Variants in MAGI2 observed in about 807,000 individuals in gnomAD.
The protein encoded by MAGI2 is membrane-associated guanylate kinase, WW and PDZ domain-containing protein 2.
In MAGI2, 35 loss-of-function variants were observed where a neutral mutation model predicts 133.3. That is an observed-to-expected ratio of 0.26 (90% CI 0.20 to 0.35). The LOEUF (loss-of-function observed/expected upper bound fraction) is 0.35, where lower values mean the gene tolerates loss of function less well. MAGI2 is among the 10% of genes least tolerant of loss of function. MAGI2 has a pLI of 1.00. For missense variants in MAGI2, 1,636 were observed against 1,863.4 expected (o/e 0.88, Z 2.25); for synonymous variants, 729 against 710.6 (o/e 1.03, Z -0.41).
At chr7:78,479,783 TAATCAAGAAA>T (rs1399244875) in intron 6 of MAGI2, among the ~76,000 whole-genome samples, 3 of 151,922 alleles carry the variant, frequency 2.0e-5, no homozygotes, top group South Asian at 2.1e-4. Context: ...CTAATCCCGA[TAATCAAGAAA>T]AATCAAGTAT....
At chr7:78,790,976 T>C (rs539463319) in intron 2 of MAGI2, among the ~76,000 whole-genome samples, 1 of 152,252 alleles carries the variant, frequency 6.6e-6, no homozygotes, top group African/African-American at 2.4e-5. Flanking sequence ...CTCCAAATAA[T>C]ACAGTCAAAC....
At chr7:79,326,199 CA>C (rs1239920139) in intron 1 of MAGI2, among the ~76,000 whole-genome samples, 3 of 1,550 alleles carry the variant, frequency 1.9e-3, no homozygotes, top group Admixed American at 0.019. Flanking sequence ...CCAGAAAGAA[CA>C]AAGAACAAAA....
At chr7:78,178,216 T>G in intron 13 of MAGI2, 114 bp from the exon 14 acceptor site, 1 of 662,756 alleles carries the variant, frequency 1.5e-6, no homozygotes, top group East Asian at 2.8e-5. Flanking sequence ...GAGAGTGCTG[T>G]TAGGGTCAAT....
intron 1 of MAGI2, chr7:79,414,061 A>ATCACT (rs2129173657): frequency 6.6e-6 from 1 of 152,284 alleles, no homozygotes; most frequent in East Asian, 1.9e-4. Context: ...GAGAATGGCT[A>ATCACT]TCACTACTCC....
rs1479725256 is a variant in MAGI2, at chr7:78,109,518, A to G, written c.3567+16176T>C. Reference sequence around the variant, plus strand: ...GTGGTGGCACGTGCCTGTAGTCCCAACTACTTGGGAGGCTGAGGCAGGAGA... The same window carrying G: ...GTGGTGGCACGTGCCTGTAGTCCCAGCTACTTGGGAGGCTGAGGCAGGAGA... On this transcript the variant is annotated intron_variant, in intron 20 of 21. Transcript: ENST00000354212. 1.2e-4 allele frequency among the ~76,000 whole-genome samples: 18 copies of G among 148,432 alleles called. No individual in the cohort carries two copies. The East Asian group carries it at 1.2e-3, about 10-fold the overall frequency.
At chr7:78,094,078 G>A (rs1583870807) in intron 20 of MAGI2, among the ~76,000 whole-genome samples, 1 of 152,030 alleles carries the variant, frequency 6.6e-6, no homozygotes, top group South Asian at 2.1e-4. Flanking sequence ...AATGTAGAAT[G>A]AACACCACCG....
intron 2 of MAGI2, among the ~76,000 whole-genome samples, chr7:78,727,335 C>T (rs79316936): frequency 0.012 from 1,797 of 152,228 alleles, 44 homozygotes; most frequent in African/African-American, 0.041. Context: ...AATTACCTGG[C>T]CATACATTAC....
intron 10 of MAGI2, among the ~76,000 whole-genome samples, chr7:78,205,034 T>G (rs1447762866): frequency 6.6e-6 from 1 of 152,222 alleles, no homozygotes; most frequent in African/African-American, 2.4e-5. Flanking sequence ...TGCAAATTGT[T>G]TAGGCAGGAA....
chr7:78,823,829 C>T (rs995799533), intron 2 of MAGI2, among the ~76,000 whole-genome samples: 3 of 151,816 alleles, frequency 2.0e-5, no homozygotes. Context: ...GGTGCTTTTT[C>T]CAAATATTCA....
At chr7:78,237,907 T>G (rs181948345) in intron 10 of MAGI2, among the ~76,000 whole-genome samples, 1 of 152,166 alleles carries the variant, frequency 6.6e-6, no homozygotes. Context: ...AATCATTTTT[T>G]AAAAAATTGA....
chr7:78,766,863 C>G (rs868008280), intron 2 of MAGI2, among the ~76,000 whole-genome samples: 1 of 152,198 alleles, frequency 6.6e-6, no homozygotes, highest in Admixed American at 6.5e-5. Context: ...GGGAAAAAAA[C>G]TAACCGTCCT....
intron 1 of MAGI2, among the ~76,000 whole-genome samples, chr7:79,048,860 T>C (rs1247563388): frequency 6.6e-6 from 1 of 152,170 alleles, no homozygotes; most frequent in Admixed American, 6.5e-5. Context: ...TGGTGGTGCA[T>C]GCCTGTAATC....
chr7:78,353,724 G>A (rs1269650283), intron 7 of MAGI2, among the ~76,000 whole-genome samples: 3 of 152,186 alleles, frequency 2.0e-5, no homozygotes, highest in Admixed American at 6.5e-5. Flanking sequence ...TAGGAAGAGA[G>A]TAGTAGATAT....
At chr7:78,395,483 A>T (rs1583874061) in intron 6 of MAGI2, among the ~76,000 whole-genome samples, 1 of 152,202 alleles carries the variant, frequency 6.6e-6, no homozygotes, top group East Asian at 1.9e-4. Context: ...AGGTCACAAA[A>T]CATCCACCAG....
chr7:79,284,440 T>C (rs12154356), intron 1 of MAGI2, among the ~76,000 whole-genome samples: 84,017 of 151,960 alleles, frequency 0.55, 25,843 homozygotes, highest in Non-Finnish European at 0.68. Context: ...GGCACCCCAC[T>C]AGACCACATA....
At chr7:79,219,718 C>T (rs1830293248) in intron 1 of MAGI2, among the ~76,000 whole-genome samples, 1 of 151,986 alleles carries the variant, frequency 6.6e-6, no homozygotes, top group Non-Finnish European at 1.5e-5. Flanking sequence ...AGTGCCTTCA[C>T]ATTTGCAAAT....
At chr7:78,352,965 A>C (rs1791676886) in intron 7 of MAGI2, 1 of 152,174 alleles carries the variant, frequency 6.6e-6, no homozygotes, top group Admixed American at 6.5e-5. Context: ...AGCACCCAGG[A>C]CCTACAAGGT....
At chr7:79,209,818 G>A (rs1412834093) in intron 1 of MAGI2, among the ~76,000 whole-genome samples, 3 of 151,940 alleles carry the variant, frequency 2.0e-5, no homozygotes, top group Non-Finnish European at 4.4e-5. Context: ...TCCTCTATAA[G>A]ACTGTTAGCC....
chr7:78,525,504 T>G (rs988106447), intron 3 of MAGI2, among the ~76,000 whole-genome samples: 5 of 152,010 alleles, frequency 3.3e-5, no homozygotes, highest in Non-Finnish European at 5.9e-5. Flanking sequence ...CAGAAAAAAA[T>G]AAATATCAAA....
Sources: allele counts gnomAD v4.1 joint callset (sites outside exome capture counted in the v4.1 genomes callset), GRCh38; gene constraint gnomAD v4.1.1; transcripts MANE v1.5; gene names NCBI Gene and HGNC (gene_info 2026-07-23, HGNC 2026-07-21).